Variants in FREM1 observed in about 807,000 individuals in gnomAD.
FREM1 encodes FRAS1-related extracellular matrix protein 1.
A neutral mutation model predicts 210.1 loss-of-function variants in FREM1; 220 were observed. The observed-to-expected ratio is 1.05, with a 90% CI of 0.94 to 1.17. FREM1 has a LOEUF of 1.17. Ranked by LOEUF, FREM1 falls within the 50% of genes most tolerant of loss-of-function variation. The probability of loss-of-function intolerance (pLI) is 0.00; values close to 1 mark genes in which losing one functional copy is unlikely to be tolerated. For missense variants in FREM1, 3,454 were observed against 2,675.5 expected (o/e 1.29, Z -6.42); for synonymous variants, 1,189 against 980.2 (o/e 1.21, Z -3.98).
At chr9:14,858,916 C>T (rs937952058) in intron 4 of FREM1, among the ~76,000 whole-genome samples, 7 of 152,102 alleles carry the variant, frequency 4.6e-5, no homozygotes. Flanking sequence ...CTTACCCAAC[C>T]CTACAGGGCA....
intron 23 of FREM1, among the ~76,000 whole-genome samples, chr9:14,786,801 T>G (rs560273420): frequency 6.6e-6 from 1 of 152,296 alleles, no homozygotes; most frequent in African/African-American, 2.4e-5. Flanking sequence ...CATTCTAAAT[T>G]TAAATCAAAA....
At chr9:14,747,799 C>G (rs879022216) in intron 31 of FREM1, 71 bp from the exon 32 acceptor site, 2 of 830,424 alleles carry the variant, frequency 2.4e-6, no homozygotes, top group East Asian at 2.9e-5. Context: ...GTAAAACCAC[C>G]AAGTAAGATC....
intron 1 of FREM1, among the ~76,000 whole-genome samples, chr9:14,888,567 T>A (rs1262138074): frequency 3.3e-5 from 5 of 152,224 alleles, no homozygotes; most frequent in Admixed American, 2.0e-4. Context: ...TCTACCAGCA[T>A]CTTCATGTTC....
intron 28 of FREM1, among the ~76,000 whole-genome samples, chr9:14,756,878 A>C (rs1017390218): frequency 2.0e-5 from 3 of 152,202 alleles, no homozygotes; most frequent in African/African-American, 7.2e-5. Context: ...CCATGTGATG[A>C]TCTGTCAGCT....
intron 1 of FREM1, among the ~76,000 whole-genome samples, chr9:14,892,810 C>A (rs551508719): frequency 6.6e-6 from 1 of 152,278 alleles, no homozygotes; most frequent in Non-Finnish European, 1.5e-5. Context: ...TCTTCACCTT[C>A]CCCACTCTGC....
rs117722727 is a variant in FREM1, at chr9:14,784,946, G to A, written c.4178-312C>T. 2.9e-3 allele frequency among the ~76,000 whole-genome samples: 445 copies of A among 152,336 alleles called. 2 individuals carry two copies. The highest frequency in any genetic ancestry group is 4.3e-3 in the Non-Finnish European group (293 of 68,022). On this transcript the variant is annotated intron_variant, in intron 23 of 36. Coordinates refer to ENST00000380880, the MANE Select transcript of FREM1 (RefSeq NM_001379081.2). ...TTGGCAAGGATGTAGAAGCCTGACT[G>A]TACAAAGTGTTGAAGACATAGCTCA... is the stretch of plus-strand genomic sequence containing the variant.
intron 19 of FREM1, among the ~76,000 whole-genome samples, chr9:14,803,003 C>T (rs572609039): frequency 6.7e-6 from 1 of 148,842 alleles, no homozygotes; most frequent in Non-Finnish European, 1.5e-5. Context: ...CCCTCCCTCC[C>T]TTCCTCCCTC....
At chr9:14,824,756 A>G (rs779940167) in intron 11 of FREM1, 40 bp downstream of exon 11, 9 of 1,445,124 alleles carry the variant, frequency 6.2e-6, no homozygotes, top group South Asian at 6.0e-5. Context: ...CAACTTTGCA[A>G]TCCTAGAACT....
intron 5 of FREM1, among the ~76,000 whole-genome samples, chr9:14,852,059 A>G (rs2131402632): frequency 6.6e-6 from 1 of 152,358 alleles, no homozygotes; most frequent in East Asian, 1.9e-4. Flanking sequence ...TGAAATAGCC[A>G]AAGTAGGCAC....
At chr9:14,800,266 G>A (rs910500231) in intron 20 of FREM1, among the ~76,000 whole-genome samples, 23 of 152,086 alleles carry the variant, frequency 1.5e-4, no homozygotes, top group East Asian at 9.6e-4. Flanking sequence ...AGAAAGGTGC[G>A]TTCTGAAGGC....
intron 5 of FREM1, among the ~76,000 whole-genome samples, chr9:14,855,546 T>G (rs1828577882): frequency 1.3e-5 from 2 of 152,244 alleles, no homozygotes; most frequent in African/African-American, 4.8e-5. Context: ...TAAATGCGAT[T>G]CCATAAAACA....
At position 14,808,418 on chromosome 9, in the gene FREM1, G is replaced by C. The variant is rs201151636; in HGVS notation, c.2894-284C>G. ...AACAAGGGTCTGACAGTTTATGAATGAGCAAGGGCACAAAGCTTCACTAGT... is the reference window on the plus strand; with the variant it reads ...AACAAGGGTCTGACAGTTTATGAATCAGCAAGGGCACAAAGCTTCACTAGT... On this transcript the variant is annotated intron_variant, in intron 16 of 36. Coordinates refer to ENST00000380880, the MANE Select transcript of FREM1 (RefSeq NM_001379081.2). Among the ~76,000 whole-genome samples the C allele has an allele frequency of 5.9e-5, 9 of 152,276 alleles. No homozygotes were observed. In the East Asian group the frequency reaches 1.5e-3, roughly 26 times the overall value.
In FREM1 at chr9:14,823,301, G is replaced by C; in HGVS notation, c.2196C>G (p.Ala732=). 6.2e-7 allele frequency: 1 copy of C among 1,613,882 alleles called. No individual in the cohort carries two copies. Among genetic ancestry groups the C allele is most frequent in the African/African-American group, 1.3e-5 (1 of 75,036 alleles). ...TQHAVNYMKV[A]YMPPMQDIGP... ...CAATGTCTTGCATGGGGGGCATGTA[G>C]GCCACTTTCATATAGTTCACAGCAT... Residue 732 remains alanine, a synonymous_variant, in exon 13 of 37, where the codon GCC becomes GCG. Coordinates refer to ENST00000380880, the MANE Select transcript of FREM1 (RefSeq NM_001379081.2).
At chr9:14,842,181 T>C in intron 9 of FREM1, 135 bp downstream of exon 9, 1 of 600,396 alleles carries the variant, frequency 1.7e-6, no homozygotes, top group Non-Finnish European at 2.9e-6. Flanking sequence ...ATAAAAATAC[T>C]ATCTTACTTC....
chr9:14,908,824 C>G (rs989218405), intron 1 of FREM1, among the ~76,000 whole-genome samples: 2 of 152,182 alleles, frequency 1.3e-5, no homozygotes, highest in Non-Finnish European at 2.9e-5. Flanking sequence ...TCCTTTGGGC[C>G]TGGGAACTGA....
At chr9:14,826,190 C>CA (rs1331395585) in intron 10 of FREM1, among the ~76,000 whole-genome samples, 1 of 149,296 alleles carries the variant, frequency 6.7e-6, no homozygotes, top group Non-Finnish European at 1.5e-5. Context: ...CTCCCAGGTT[C>CA]ACACCATTCT....
chr9:14,750,326 C>A, intron 29 of FREM1, 50 bp from the exon 30 acceptor site: 1 of 1,441,342 alleles, frequency 6.9e-7, no homozygotes, highest in Admixed American at 1.9e-5. Context: ...TTTCAATCAC[C>A]TAGGTGTCAG....
At chr9:14,822,820 C>T (rs757588788) in intron 13 of FREM1, among the ~76,000 whole-genome samples, 3 of 152,064 alleles carry the variant, frequency 2.0e-5, no homozygotes, top group Non-Finnish European at 4.4e-5. Context: ...GTAAATAAGC[C>T]CTTCCAGTGG....
intron 25 of FREM1, among the ~76,000 whole-genome samples, chr9:14,773,100 A>ATT (rs970144118): frequency 6.6e-6 from 1 of 151,684 alleles, no homozygotes; most frequent in Admixed American, 6.6e-5. Flanking sequence ...GGGTTGCAAG[A>ATT]TTTTTTTTTA....
Sources: gnomAD v4.1 joint callset for allele counts (sites outside exome capture counted in the v4.1 genomes callset) on GRCh38, gnomAD v4.1.1 for gene constraint, MANE v1.5 for transcripts, NCBI Gene and HGNC (gene_info 2026-07-23, HGNC 2026-07-21) for gene names.